Variants in PRDM16 observed in about 807,000 individuals in gnomAD.
The protein encoded by PRDM16 is histone-lysine N-methyltransferase PRDM16.
Under a neutral mutation model 110.6 loss-of-function variants are expected in PRDM16, and 23 were observed. The observed-to-expected ratio is 0.21, with a 90% CI of 0.15 to 0.29. The LOEUF (loss-of-function observed/expected upper bound fraction) is 0.29. Ranked by LOEUF, PRDM16 falls within the 10% of genes least tolerant of loss-of-function variation. PRDM16 has a pLI of 1.00. For synonymous variants in PRDM16, 799 were observed against 781.8 expected, an observed-to-expected ratio of 1.02 and a Z score of -0.37; for missense variants, 1,615 against 1,794.3, an observed-to-expected ratio of 0.90 and a Z score of 1.81.
At position 3,437,870 on chromosome 1, in the gene PRDM16, G is replaced by A. The variant is rs967774505; in HGVS notation, c.*4059G>A. ...TCACGTGCATTGCCACTGCGCTTTCGGCACGAGGGATGCTGAGCCCTGGTG... is the reference window on the plus strand; with the variant it reads ...TCACGTGCATTGCCACTGCGCTTTCAGCACGAGGGATGCTGAGCCCTGGTG... On this transcript the variant is annotated 3_prime_UTR_variant, in exon 17 of 17. Transcript: ENST00000270722. The A allele has an allele frequency of 3.7e-5, 8 of 218,530 alleles. No homozygotes were observed. Among genetic ancestry groups the A allele is most frequent in the Non-Finnish European group, 4.6e-5 (5 of 108,752 alleles). 13.5% of individuals were successfully genotyped at this position (218,530 alleles called of 1,614,324 possible).
At chr1:3,095,772 G>T (rs1642383647) in intron 1 of PRDM16, among the ~76,000 whole-genome samples, 3 of 152,148 alleles carry the variant, frequency 2.0e-5, no homozygotes, top group African/African-American at 7.2e-5. Flanking sequence ...TGTGGAGTTG[G>T]GGGTGATGTA....
At chr1:3,075,415 A>G (rs1641874839) in intron 1 of PRDM16, among the ~76,000 whole-genome samples, 1 of 152,282 alleles carries the variant, frequency 6.6e-6, no homozygotes, top group Admixed American at 6.5e-5. Flanking sequence ...CCCTGGGGAC[A>G]AATGCGATTG....
At chr1:3,225,874 C>A (rs967994175) in intron 2 of PRDM16, among the ~76,000 whole-genome samples, 6 of 152,222 alleles carry the variant, frequency 3.9e-5, no homozygotes, top group African/African-American at 1.4e-4. Flanking sequence ...GGGCACCGCA[C>A]AGGCAAAGCC....
At chr1:3,215,754 G>A (rs1367013981) in intron 2 of PRDM16, among the ~76,000 whole-genome samples, 2 of 152,098 alleles carry the variant, frequency 1.3e-5, no homozygotes, top group African/African-American at 2.4e-5. Flanking sequence ...GTGCCCCCAC[G>A]TCCTCTGGTT....
At chr1:3,227,270 C>T (rs1057116129) in intron 2 of PRDM16, among the ~76,000 whole-genome samples, 1 of 152,244 alleles carries the variant, frequency 6.6e-6, no homozygotes, top group African/African-American at 2.4e-5. Flanking sequence ...AGTTTATCCT[C>T]TGAAGAAAAA....
chr1:3,357,209 G>A (rs1400670258), intron 3 of PRDM16, among the ~76,000 whole-genome samples: 1 of 152,182 alleles, frequency 6.6e-6, no homozygotes, highest in Non-Finnish European at 1.5e-5. Context: ...CCTGGCTCTT[G>A]GCCCCCAGGG....
intron 14 of PRDM16, among the ~76,000 whole-genome samples, 199 bp from the exon 15 acceptor site, chr1:3,430,671 CGG>C (rs985378970): frequency 2.0e-5 from 3 of 152,250 alleles, no homozygotes; most frequent in Non-Finnish European, 4.4e-5. Context: ...CCTCCTCTCC[CGG>C]GATCGCCCCC....
intron 3 of PRDM16, among the ~76,000 whole-genome samples, chr1:3,372,114 C>T: frequency 6.6e-6 from 1 of 152,248 alleles, no homozygotes; most frequent in Non-Finnish European, 1.5e-5. Flanking sequence ...CCATGAGCCT[C>T]TGCACAGCTC....
chr1:3,108,031 G>A (rs1642706931), intron 1 of PRDM16, among the ~76,000 whole-genome samples: 2 of 152,256 alleles, frequency 1.3e-5, no homozygotes, highest in African/African-American at 4.8e-5. Flanking sequence ...ACCAGGCCAT[G>A]CCAAACTGAT....
At chr1:3,130,657 T>G (rs1276527939) in intron 1 of PRDM16, among the ~76,000 whole-genome samples, 1 of 152,120 alleles carries the variant, frequency 6.6e-6, no homozygotes, top group Non-Finnish European at 1.5e-5. Flanking sequence ...CGCCTTCTCT[T>G]TGGGGACGTT....
At chr1:3,264,481 C>CA (rs1640240334) in intron 3 of PRDM16, among the ~76,000 whole-genome samples, 1 of 142,164 alleles carries the variant, frequency 7.0e-6, no homozygotes, top group Non-Finnish European at 1.5e-5. Flanking sequence ...GGACCCTAGG[C>CA]CAGGAGGAGA....
At chr1:3,259,587 C>T (rs1177122230) in intron 3 of PRDM16, among the ~76,000 whole-genome samples, 2 of 152,190 alleles carry the variant, frequency 1.3e-5, no homozygotes, top group Non-Finnish European at 1.5e-5. Context: ...AAATCAGGCC[C>T]CCCCAAGAAA....
intron 3 of PRDM16, among the ~76,000 whole-genome samples, chr1:3,302,745 C>T (rs996647337): frequency 7.9e-5 from 12 of 152,106 alleles, no homozygotes; most frequent in African/African-American, 2.2e-4. Context: ...AAAAACCAAA[C>T]GTGGAAAACA....
rs529235734 is a variant in PRDM16 at position 3,390,190 on chromosome 1, C to A, written c.573+4904C>A. On this transcript the variant is annotated intron_variant, in intron 4 of 16. Transcript: ENST00000270722. This position sits in a 1 kb window ranked among gnomAD's most constrained non-coding sequence, Gnocchi z 5.0. Reference sequence around the variant, plus strand: ...GGAGGCAGGGAGGAGCTGTCACAGCCGGCGCTTTCTGTTTTTTGGTTTATC... The same window carrying A: ...GGAGGCAGGGAGGAGCTGTCACAGCAGGCGCTTTCTGTTTTTTGGTTTATC... Among the ~76,000 whole-genome samples, 30 of 152,154 alleles carry A rather than the reference C, an allele frequency of 2.0e-4. No homozygotes were observed. The highest frequency in any genetic ancestry group is 3.4e-4 in the Non-Finnish European group (23 of 68,026).
chr1:3,409,834 G>GTTGTGTGGTGTGTGTATGTGCGT (rs1553175959), intron 8 of PRDM16, among the ~76,000 whole-genome samples: 1 of 125,800 alleles, frequency 7.9e-6, no homozygotes, highest in African/African-American at 3.1e-5. Context: ...GTTGTGTGTG[G>GTTGTGTGGTGTGTGTATGTGCGT]GTGTGTGGTG....
chr1:3,145,098 G>A (rs1422884298), intron 1 of PRDM16, among the ~76,000 whole-genome samples: 5 of 152,304 alleles, frequency 3.3e-5, no homozygotes, highest in Non-Finnish European at 7.4e-5. Context: ...TAGGCCCCAC[G>A]CAGGGGCTGA....
chr1:3,375,167 C>G (rs925464532), intron 3 of PRDM16, among the ~76,000 whole-genome samples: 1 of 152,162 alleles, frequency 6.6e-6, no homozygotes, highest in Non-Finnish European at 1.5e-5. Flanking sequence ...GGTGGGAGAT[C>G]GGGGCTGGGA....
chr1:3,409,367 C>T (rs1230992639), intron 8 of PRDM16, among the ~76,000 whole-genome samples: 1 of 152,070 alleles, frequency 6.6e-6, no homozygotes, highest in Non-Finnish European at 1.5e-5. Flanking sequence ...ATCAGCAGCC[C>T]TCCAGAGAGG....
intron 1 of PRDM16, among the ~76,000 whole-genome samples, chr1:3,128,308 A>G (rs909260578): frequency 2.0e-5 from 3 of 152,176 alleles, no homozygotes; most frequent in African/African-American, 7.2e-5. Context: ...GCCTTGTCCT[A>G]GAAAGTCTGG....
Sources: allele counts gnomAD v4.1 joint callset (sites outside exome capture counted in the v4.1 genomes callset), GRCh38; gene constraint gnomAD v4.1.1; non-coding constraint Gnocchi (gnomAD v3.1); transcripts MANE v1.5; gene names NCBI Gene and HGNC (gene_info 2026-07-23, HGNC 2026-07-21).